NRXN3: variants seen among roughly 807,000 people sequenced by gnomAD.
NRXN3 encodes the protein neurexin III.
NRXN3 carries 32 observed loss-of-function variants against 137.6 expected under a neutral mutation model. The ratio of observed to expected loss-of-function variants is 0.23; its 90% confidence interval spans 0.18 to 0.31. The LOEUF is 0.31. Ranked by LOEUF, NRXN3 falls within the 10% of genes least tolerant of loss-of-function variation. The probability of loss-of-function intolerance (pLI) is 1.00; values close to 1 mark genes in which losing one functional copy is unlikely to be tolerated. For missense variants in NRXN3, 1,574 were observed against 2,062.5 expected, an observed-to-expected ratio of 0.76 and a Z score of 4.59; for synonymous variants, 798 against 784.5, an observed-to-expected ratio of 1.02 and a Z score of -0.29.
At chr14:79,095,436 C>T (rs2050130038) in intron 15 of NRXN3, among the ~76,000 whole-genome samples, 1 of 152,098 alleles carries the variant, frequency 6.6e-6, no homozygotes, top group Middle Eastern at 3.2e-3. Context: ...AACTGTAACC[C>T]CTGCTTGGCA....
At chr14:79,311,678 G>C (rs1461431481) in intron 15 of NRXN3, among the ~76,000 whole-genome samples, 1 of 114,858 alleles carries the variant, frequency 8.7e-6, no homozygotes, top group African/African-American at 3.2e-5. Flanking sequence ...TGTATGTGTC[G>C]AGGAATGTAT....
At chr14:78,803,975 C>T (rs982719378) in intron 9 of NRXN3, 152 bp downstream of exon 9, 14 of 739,840 alleles carry the variant, frequency 1.9e-5, no homozygotes, top group African/African-American at 1.0e-4. Flanking sequence ...CCAACAGCAG[C>T]GATCACCTTC....
chr14:79,200,179 G>A (rs1462230698), intron 15 of NRXN3: 1 of 152,212 alleles, frequency 6.6e-6, no homozygotes, highest in Non-Finnish European at 1.5e-5. Context: ...GGATGACTAT[G>A]AAATAACCCA....
chr14:79,671,106 C>T (rs1362256249), intron 17 of NRXN3, among the ~76,000 whole-genome samples: 6 of 152,136 alleles, frequency 3.9e-5, no homozygotes, highest in Non-Finnish European at 2.9e-5. Context: ...CTCCCCACTT[C>T]ATGGGCAGCA....
intron 15 of NRXN3, among the ~76,000 whole-genome samples, chr14:79,237,485 A>T (rs535061099): frequency 6.6e-6 from 1 of 152,152 alleles, no homozygotes; most frequent in South Asian, 2.1e-4. Flanking sequence ...ATCTTAGGTG[A>T]TATGCTGTGG....
At chr14:79,704,206 T>G (rs767343670) in intron 19 of NRXN3, among the ~76,000 whole-genome samples, 9 of 149,518 alleles carry the variant, frequency 6.0e-5, no homozygotes, top group Non-Finnish European at 1.2e-4. Context: ...AATGGTTAAA[T>G]ATTAGCAATA....
intron 15 of NRXN3, among the ~76,000 whole-genome samples, chr14:79,219,834 A>G (rs770520816): frequency 6.6e-6 from 1 of 152,210 alleles, no homozygotes; most frequent in Non-Finnish European, 1.5e-5. Flanking sequence ...TAGTTTAATG[A>G]TGCTATAGAG....
chr14:79,340,433 T>TA (rs2092544254), intron 15 of NRXN3, among the ~76,000 whole-genome samples: 1 of 152,198 alleles, frequency 6.6e-6, no homozygotes, highest in South Asian at 2.1e-4. Flanking sequence ...AAGGTGCTAA[T>TA]AAAATTGGAT....
intron 10 of NRXN3, among the ~76,000 whole-genome samples, chr14:78,942,427 T>C (rs924143815): frequency 6.6e-6 from 1 of 152,150 alleles, no homozygotes; most frequent in African/African-American, 2.4e-5. Flanking sequence ...ATGTCAGACA[T>C]GAAAGATTTG....
chr14:79,228,117 T>C (rs1420379811), intron 15 of NRXN3, among the ~76,000 whole-genome samples: 1 of 152,152 alleles, frequency 6.6e-6, no homozygotes, highest in African/African-American at 2.4e-5. Flanking sequence ...TTCATTTGCC[T>C]GTTAGCTGAG....
intron 4 of NRXN3, among the ~76,000 whole-genome samples, chr14:78,405,208 C>T (rs2092397829): frequency 6.6e-6 from 1 of 152,122 alleles, no homozygotes; most frequent in African/African-American, 2.4e-5. Context: ...AATGTTCTGG[C>T]CCTGCTGTGG....
At chr14:78,812,721 A>G (rs1468298359) in intron 10 of NRXN3, among the ~76,000 whole-genome samples, 3 of 152,228 alleles carry the variant, frequency 2.0e-5, no homozygotes, top group African/African-American at 7.2e-5. Context: ...GCAAAGTTAT[A>G]TTCCCAGCTT....
intron 15 of NRXN3, among the ~76,000 whole-genome samples, chr14:79,194,955 ATTTTC>A (rs150803168): frequency 0.01 from 1,567 of 151,186 alleles, 22 homozygotes; most frequent in African/African-American, 0.035. Context: ...TTTTTATCTT[ATTTTC>A]TTTTTTTTTT....
intron 19 of NRXN3, among the ~76,000 whole-genome samples, chr14:79,748,830 TGACA>T (rs953661655): frequency 3.3e-5 from 5 of 151,898 alleles, no homozygotes; most frequent in African/African-American, 1.2e-4. Context: ...TTTCTGGGAC[TGACA>T]GAGAGAAGGA....
At chr14:79,754,885 C>T (rs2099013952) in intron 19 of NRXN3, among the ~76,000 whole-genome samples, 2 of 152,046 alleles carry the variant, frequency 1.3e-5, no homozygotes, top group South Asian at 4.1e-4. Flanking sequence ...GCTCTTCCCC[C>T]TTCGCTCTGC....
At chr14:79,124,810 A>G (rs1450025031) in intron 15 of NRXN3, among the ~76,000 whole-genome samples, 1 of 152,214 alleles carries the variant, frequency 6.6e-6, no homozygotes, top group African/African-American at 2.4e-5. Flanking sequence ...TTATAAGTTT[A>G]TAAGCATGTG....
Position 78,810,305 on chromosome 14 carries a change from T to C in NRXN3, c.2249-13T>C, listed in dbSNP as rs763069878. 4 of 1,512,078 alleles carry C rather than the reference T, an allele frequency of 2.6e-6. No homozygotes were observed. Among genetic ancestry groups the C allele is most frequent in the Middle Eastern group, 1.7e-4 (1 of 5,850 alleles). 93.7% of individuals were successfully genotyped at this position (1,512,078 alleles called of 1,614,324 possible). On this transcript the variant is annotated splice_polypyrimidine_tract_variant and intron_variant, in intron 9 of 20. Transcript: ENST00000335750. ...GATGCAATTTCATCTTTCATTTATT[T>C]TTCCCCATCTAGACTGTATCAGGAT...
intron 10 of NRXN3, among the ~76,000 whole-genome samples, chr14:78,812,181 A>G (rs1160787126): frequency 2.0e-5 from 3 of 152,148 alleles, no homozygotes; most frequent in Admixed American, 1.3e-4. Context: ...ATTTGTAGCT[A>G]ATCCCTGCTC....
chr14:79,121,626 C>A (rs915994537), intron 15 of NRXN3, among the ~76,000 whole-genome samples: 6 of 152,090 alleles, frequency 3.9e-5, no homozygotes, highest in Admixed American at 2.0e-4. Flanking sequence ...AGAAGCAATA[C>A]CCTATATGCT....
Sources: gnomAD v4.1 joint callset for allele counts (sites outside exome capture counted in the v4.1 genomes callset) on GRCh38, gnomAD v4.1.1 for gene constraint, MANE v1.5 for transcripts, NCBI Gene and HGNC (gene_info 2026-07-23, HGNC 2026-07-21) for gene names.